The following SUPT16H variants were observed in gnomAD, a reference collection of about 807,000 sequenced individuals.
The protein encoded by SUPT16H is SPT16 homolog, facilitates chromatin remodeling subunit, also known as FACT complex subunit SPT16.
SUPT16H carries 24 observed loss-of-function variants against 136.2 expected under a neutral mutation model. The ratio of observed to expected loss-of-function variants is 0.18; its 90% CI spans 0.13 to 0.25. The LOEUF (loss-of-function observed/expected upper bound fraction) is 0.25. Among genes scored for constraint, SUPT16H ranks in the 10% least tolerant of loss-of-function variants. SUPT16H has a pLI of 1.00. For missense variants in SUPT16H, 623 were observed against 1,270.2 expected (o/e 0.49, Z 7.74); for synonymous variants, 415 against 428.2 (o/e 0.97, Z 0.38).
In SUPT16H at chr14:21,362,262, G is replaced by A. The variant is rs191591200; in HGVS notation, c.1728C>T (p.Gly576=). 93 of 1,613,504 alleles carry A rather than the reference G, an allele frequency of 5.8e-5. No individual in the cohort carries two copies. The highest frequency in any genetic ancestry group is 1.7e-4 in the Admixed American group (10 of 60,020). The change falls in exon 15 of 26, where the codon GGC becomes GGT. Residue 576 remains glycine (G), a synonymous_variant. Transcript: ENST00000216297. The part of the protein sequence containing the change: ...TYLRINFYCP[G]SALGRNEGNI... ...TGCCTTCATTCCTGCCCAGAGCACT[G>A]CCTGGGCAATAAAAGTTGATTCGCA...
At chr14:21,369,388 A>C in intron 5 of SUPT16H, 33 bp from the exon 6 acceptor site, 2 of 1,613,272 alleles carry the variant, frequency 1.2e-6, no homozygotes, top group South Asian at 2.2e-5. Flanking sequence ...AGTAACACTT[A>C]CTAGAGGGTA....
intron 10 of SUPT16H, 115 bp from the exon 11 acceptor site, chr14:21,363,618 T>TTTA: frequency 1.2e-6 from 1 of 847,552 alleles, no homozygotes; most frequent in Non-Finnish European, 1.9e-6. Flanking sequence ...TGTTTGACAA[T>TTTA]GAATAAATAT....
chr14:21,363,937 C>T (rs1031718622), intron 10 of SUPT16H, among the ~76,000 whole-genome samples: 2 of 152,104 alleles, frequency 1.3e-5, no homozygotes, highest in Non-Finnish European at 2.9e-5. Context: ...CCTTGGCCTC[C>T]GAAAGTGCTA....
intron 1 of SUPT16H, chr14:21,383,530 A>T: frequency 1.5e-6 from 1 of 657,928 alleles, no homozygotes; most frequent in Non-Finnish European, 2.7e-6. Flanking sequence ...AGAACACGGC[A>T]GGGGAGGGCA....
At chr14:21,372,212 G>C (rs905548746) in intron 2 of SUPT16H, 168 bp from the exon 3 acceptor site, 1 of 664,278 alleles carries the variant, frequency 1.5e-6, no homozygotes, top group Non-Finnish European at 2.4e-6. Flanking sequence ...GATCGGCCAA[G>C]AGTCGACAAT....
rs1199215269 is a variant in SUPT16H, at chr14:21,357,349, T to C, written c.2508A>G (p.Thr836=). 11 of 1,592,194 alleles carry C rather than the reference T, an allele frequency of 6.9e-6. No individual in the cohort carries two copies. The highest frequency in any genetic ancestry group is 9.4e-6 in the Non-Finnish European group (11 of 1,170,232). ...AGTGGATCAGCTCTACCTCATCCAATGTCACCACAAAAGGTGGCTGTCAGG... is the reference window on the plus strand; with the variant it reads ...AGTGGATCAGCTCTACCTCATCCAACGTCACCACAAAAGGTGGCTGTCAGG... ...NATEWPPFVV[T]LDEVELIHFE... The change falls in exon 22 of 26, where the codon ACA becomes ACG. Residue 836 remains threonine, a synonymous_variant. Coordinates refer to ENST00000216297, the MANE Select transcript of SUPT16H (RefSeq NM_007192.4).
intron 19 of SUPT16H, among the ~76,000 whole-genome samples, chr14:21,359,040 C>T (rs1340043820): frequency 6.6e-6 from 1 of 151,986 alleles, no homozygotes; most frequent in Non-Finnish European, 1.5e-5. Context: ...CTCCTGACCT[C>T]GTGATCTGCC....
intron 3 of SUPT16H, among the ~76,000 whole-genome samples, chr14:21,371,275 G>A (rs17104194): frequency 0.022 from 3,273 of 152,100 alleles, 37 homozygotes; most frequent in Middle Eastern, 0.058. Flanking sequence ...AAGTGCTGCC[G>A]TAAGTTGACC....
At chr14:21,365,923 C>T (rs757810144) in intron 8 of SUPT16H, among the ~76,000 whole-genome samples, 19 of 151,982 alleles carry the variant, frequency 1.3e-4, no homozygotes, top group African/African-American at 3.9e-4. Flanking sequence ...GGCAACATAG[C>T]GAGACCCTGT....
At chr14:21,362,366 C>T (rs1430808357) in intron 14 of SUPT16H, 42 bp from the exon 15 acceptor site, 4 of 1,588,146 alleles carry the variant, frequency 2.5e-6, no homozygotes, top group Admixed American at 1.8e-5. Flanking sequence ...GATTTCTTTC[C>T]TAGAGATTAG....
Position 21,369,282 on chromosome 14 carries a change from T to C in SUPT16H, c.704A>G (p.Asp235Gly). 1 of 1,614,166 alleles carries C rather than the reference T, an allele frequency of 6.2e-7. No individual in the cohort carries two copies. Among genetic ancestry groups the C allele is most frequent in the Non-Finnish European group, 8.5e-7 (1 of 1,180,010 alleles). ...IEEKKYLAGA[D>G]PSTVEMCYPP... The stretch of plus-strand genomic sequence containing the variant: ...GTAACACATTTCCACAGTAGAAGGG[T>C]CTGCCCCAGCAAGGTATTTTTTCTC... The change falls in exon 6 of 26, where the codon GAC (aspartate) becomes GGC (glycine). Residue 235 changes from aspartate to glycine, a missense_variant. This residue lies in a region of SUPT16H where 343 missense variants were observed against 525.7 expected (regional missense o/e 0.65). Coordinates refer to ENST00000216297, the MANE Select transcript of SUPT16H (RefSeq NM_007192.4).
At chr14:21,356,546 A>G (rs1308029268) in intron 22 of SUPT16H, among the ~76,000 whole-genome samples, 3 of 152,176 alleles carry the variant, frequency 2.0e-5, no homozygotes, top group Non-Finnish European at 4.4e-5. Flanking sequence ...GAATCCAACT[A>G]ACTTGACTGC....
chr14:21,360,832 G>C lies in SUPT16H; in HGVS notation c.2056+14C>G. On this transcript the variant is annotated intron_variant, in intron 17 of 25. Coordinates refer to ENST00000216297, the MANE Select transcript of SUPT16H (RefSeq NM_007192.4). ...CTGAAGAGAAAGCCTAGGTACAGGA[G>C]AGATCATCCATACCATTGACATGGG... 6.2e-7 allele frequency: 1 copy of C among 1,611,836 alleles called. No individual in the cohort carries two copies. Among genetic ancestry groups the C allele is most frequent in the South Asian group, 1.1e-5 (1 of 90,580 alleles).
At chr14:21,361,416 AAGCCATCCTCCCACCTC>A (rs1376989459) in intron 15 of SUPT16H, 200 of 607,922 alleles carry the variant, frequency 3.3e-4, no homozygotes, top group Non-Finnish European at 5.1e-4. Flanking sequence ...TCCTGGGTTC[AAGCCATCCTCCCACCTC>A]AGCCTTCCAA....
rs754207727 is a variant in SUPT16H at position 21,369,867 on chromosome 14, G to A, written c.513C>T (p.Thr171=). The A allele has an allele frequency of 2.5e-6, 4 of 1,614,122 alleles. No individual in the cohort carries two copies. The East Asian group carries it at 6.7e-5, about 27-fold the overall frequency. ...KIDISAVVAY[T]IAVKEDGELN... is the part of the protein sequence containing the mutation. Reference sequence around the variant, plus strand: ...GCTCCCCATCCTCCTTTACAGCGATGGTATATGCCACAACTGCACTGATAT... The same window carrying A: ...GCTCCCCATCCTCCTTTACAGCGATAGTATATGCCACAACTGCACTGATAT... The change falls in exon 5 of 26, where the codon ACC becomes ACT. Residue 171 remains threonine (T), a synonymous_variant. Coordinates refer to ENST00000216297, the MANE Select transcript of SUPT16H (RefSeq NM_007192.4).
chr14:21,367,033 C>T (rs1454905790), intron 7 of SUPT16H, among the ~76,000 whole-genome samples: 5 of 152,140 alleles, frequency 3.3e-5, no homozygotes, highest in Middle Eastern at 3.2e-3. Context: ...CTCCACCTCC[C>T]GGATTCACGC....
At chr14:21,364,996 A>C (rs1040850542) in intron 9 of SUPT16H, 57 bp from the exon 10 acceptor site, 10 of 1,605,354 alleles carry the variant, frequency 6.2e-6, no homozygotes, top group Non-Finnish European at 6.0e-6. Flanking sequence ...GAGGTGTGAG[A>C]CATATGCCTA....
chr14:21,353,344 A>C, intron 25 of SUPT16H, 144 bp downstream of exon 25: 1 of 756,088 alleles, frequency 1.3e-6, no homozygotes, highest in Non-Finnish European at 2.2e-6. Context: ...CAGTCAATGA[A>C]GTTGTATCTG....
chr14:21,377,332 G>C (rs1160144558), intron 1 of SUPT16H, among the ~76,000 whole-genome samples: 1 of 152,134 alleles, frequency 6.6e-6, no homozygotes, highest in Admixed American at 6.6e-5. Context: ...GAGAGAACAG[G>C]CTATGTATGT....
Sources: gnomAD v4.1 joint callset for allele counts (sites outside exome capture counted in the v4.1 genomes callset) on GRCh38, gnomAD v4.1.1 for gene constraint, gnomAD v4.1.1 regional missense constraint, MANE v1.5 for transcripts, NCBI Gene and HGNC (gene_info 2026-07-23, HGNC 2026-07-21) for gene names.